Variants in KANK2 observed in about 807,000 individuals in gnomAD.
The protein encoded by KANK2 is KN motif and ankyrin repeat domains 2.
A neutral mutation model predicts 74.6 loss-of-function variants in KANK2; 41 were observed. The observed-to-expected ratio is 0.55, with a 90% CI of 0.43 to 0.71. The LOEUF is 0.71. Ranked by LOEUF, KANK2 falls within the 30% of genes least tolerant of loss-of-function variation. The pLI, the probability that KANK2 is intolerant of heterozygous loss-of-function variation, is 0.00. For synonymous variants in KANK2, 537 were observed against 519.0 expected (o/e 1.03, Z -0.47); for missense variants, 1,148 against 1,196.4 (o/e 0.96, Z 0.60).
chr19:11,180,087 CCT>C (rs1447376425), intron 4 of KANK2, among the ~76,000 whole-genome samples: 1 of 152,148 alleles, frequency 6.6e-6, no homozygotes, highest in Non-Finnish European at 1.5e-5. Flanking sequence ...GTCTTGAACT[CCT>C]GAGCTCAAGT....
chr19:11,182,548 AAAC>A (rs1351883040), intron 4 of KANK2, among the ~76,000 whole-genome samples: 4 of 148,318 alleles, frequency 2.7e-5, no homozygotes, highest in African/African-American at 9.9e-5. Context: ...CAAAAAAACA[AAAC>A]AAAACAAAAA....
At chr19:11,189,609 A>C (rs1444663957) in intron 4 of KANK2, among the ~76,000 whole-genome samples, 1 of 70,084 alleles carries the variant, frequency 1.4e-5, no homozygotes, top group Middle Eastern at 9.4e-3. Context: ...GTCTCAAAAA[A>C]AAAAAAAAAA....
At chr19:11,186,071 A>G (rs2078666038) in intron 4 of KANK2, among the ~76,000 whole-genome samples, 1 of 152,042 alleles carries the variant, frequency 6.6e-6, no homozygotes, top group African/African-American at 2.4e-5. Context: ...ATTATGTAGC[A>G]GCTGTCAGAT....
chr19:11,170,418 A>C lies in KANK2; in HGVS notation c.2212-170T>G. On this transcript the variant is annotated intron_variant, in intron 10 of 12. Transcript: ENST00000586659. The surrounding 1 kb of genome is among the most constrained non-coding windows in gnomAD (Gnocchi z 5.2). ...CCTCCCGTCACCAGGGGAGTAATAA[A>C]TCCACAGAGACAGAAAGCGGATGAG... 3.0e-5 allele frequency: 18 copies of C among 597,596 alleles called. No individual in the cohort carries two copies. The highest frequency in any genetic ancestry group is 3.3e-5 in the Non-Finnish European group (11 of 336,608). The allele number at this position is 597,596 out of a possible 1,614,324, so 37.0% of individuals were successfully genotyped here.
chr19:11,177,082 T>C (rs1042346249), intron 6 of KANK2, among the ~76,000 whole-genome samples: 1 of 147,304 alleles, frequency 6.8e-6, no homozygotes, highest in Non-Finnish European at 1.5e-5. Context: ...ACTTCTAGCA[T>C]ACTCACCCTC....
rs116377140 is a variant in KANK2, at chr19:11,168,755, C to A, written c.2502+1122G>T. Reference sequence around the variant, plus strand: ...GACACGCATTTGGAACCAGACAGACCCAGGCGTGAATACTGTTATGCCAAC... The same window carrying A: ...GACACGCATTTGGAACCAGACAGACACAGGCGTGAATACTGTTATGCCAAC... On this transcript the variant is annotated intron_variant, in intron 12 of 12. Coordinates refer to ENST00000586659, the MANE Select transcript of KANK2 (RefSeq NM_001136191.3). Among the ~76,000 whole-genome samples the A allele has an allele frequency of 3.3e-3, 501 of 152,172 alleles. 4 individuals are homozygous for A. Among genetic ancestry groups the A allele is most frequent in the African/African-American group, 0.012 (478 of 41,522 alleles).
chr19:11,188,706 G>A (rs1353742827), intron 4 of KANK2, among the ~76,000 whole-genome samples: 1 of 151,736 alleles, frequency 6.6e-6, no homozygotes, highest in African/African-American at 2.4e-5. Context: ...CTTGGAGGGT[G>A]GGTGCCGTGG....
intron 12 of KANK2, among the ~76,000 whole-genome samples, chr19:11,168,867 C>T (rs2078095759): frequency 6.6e-6 from 1 of 152,162 alleles, no homozygotes; most frequent in African/African-American, 2.4e-5. Flanking sequence ...CTGACTTTAT[C>T]CTTAGCGTGA....
chr19:11,175,542 T>C (rs2078312698), intron 8 of KANK2, among the ~76,000 whole-genome samples: 1 of 148,536 alleles, frequency 6.7e-6, no homozygotes, highest in Admixed American at 6.8e-5. Context: ...TGCCTTGGCC[T>C]CCCAAAGCAC....
At chr19:11,186,256 C>G (rs1021503898) in intron 4 of KANK2, among the ~76,000 whole-genome samples, 3 of 151,238 alleles carry the variant, frequency 2.0e-5, no homozygotes, top group Admixed American at 2.0e-4. Context: ...GGTGTGGTGG[C>G]GGGTGCCTGT....
rs377258534 is a variant in KANK2, at chr19:11,193,624, C to A, written c.456G>T (p.Ala152=). The part of the protein sequence containing the change: ...PTGLGSLTPS[A]AGSTASLVGV... ...CCACCAGGGAGGCTGTCGAGCCGGCCGCACTGGGGGTCAGGGAGCCCAGGC... is the reference window on the plus strand; with the variant it reads ...CCACCAGGGAGGCTGTCGAGCCGGCAGCACTGGGGGTCAGGGAGCCCAGGC... Residue 152 remains alanine, a synonymous_variant, in exon 4 of 13, where the codon GCG becomes GCT. Transcript: ENST00000586659. The surrounding 1 kb of genome is among the most constrained non-coding windows in gnomAD (Gnocchi z 9.6). The A allele has an allele frequency of 5.7e-6, 9 of 1,589,114 alleles. No homozygotes were observed. Among genetic ancestry groups the A allele is most frequent in the Non-Finnish European group, 1.7e-6 (2 of 1,168,444 alleles).
intron 4 of KANK2, among the ~76,000 whole-genome samples, chr19:11,191,419 C>T (rs952796572): frequency 2.0e-5 from 3 of 152,208 alleles, no homozygotes; most frequent in African/African-American, 2.4e-5. Flanking sequence ...TCTGCACAGC[C>T]GGCATCCCCT....
intron 4 of KANK2, among the ~76,000 whole-genome samples, chr19:11,179,896 C>T (rs1044057124): frequency 1.1e-4 from 16 of 152,174 alleles, no homozygotes; most frequent in Non-Finnish European, 1.9e-4. Context: ...GTTTCACTCC[C>T]TTCACTGAAG....
chr19:11,170,333 C>G lies in KANK2; in HGVS notation c.2212-85G>C. 1 of 1,073,498 alleles carries G rather than the reference C, an allele frequency of 9.3e-7. No individual in the cohort carries two copies. The highest frequency in any genetic ancestry group is 1.4e-6 in the Non-Finnish European group (1 of 727,156). The allele number at this position is 1,073,498 out of a possible 1,614,324, so 66.5% of individuals were successfully genotyped here. A position where few individuals can be genotyped will look rare whatever the true frequency, so the allele number is the denominator to read the frequency against. On this transcript the variant is annotated intron_variant, in intron 10 of 12. Transcript: ENST00000586659. This position sits in a 1 kb window ranked among gnomAD's most constrained non-coding sequence, Gnocchi z 5.2. ...GGTCTAGAACCTGCTGTAGCTCCCA[C>G]ATACTCTGATGGTGAAATGTACCCT...
rs62129144 is a variant in KANK2, at chr19:11,170,023, G to A, written c.2412+25C>T. ...CCCATGCTGTGCTCCCGCCCTCCCC[G>A]GGGTGCACCTGGTTGGAGACTCACG... On this transcript the variant is annotated intron_variant, in intron 11 of 12. Coordinates refer to ENST00000586659, the MANE Select transcript of KANK2 (RefSeq NM_001136191.3). The surrounding 1 kb of genome is among the most constrained non-coding windows in gnomAD (Gnocchi z 5.2). The A allele has an allele frequency of 0.019, 30,493 of 1,611,970 alleles. 359 individuals are homozygous for A. Among genetic ancestry groups the A allele is most frequent in the South Asian group, 0.025 (2,254 of 91,050 alleles).
chr19:11,169,756 G>A (rs928448215), intron 12 of KANK2, 121 bp downstream of exon 12: 9 of 794,890 alleles, frequency 1.1e-5, no homozygotes, highest in African/African-American at 8.5e-5. Context: ...AGCCCAGATC[G>A]TGCCACCGCA....
In KANK2 at chr19:11,194,443, G is replaced by A. The variant is rs756900296; in HGVS notation, c.37+32C>T. ...CAGGCCTCCAGAACTGAAGCTCCCC[G>A]GGGCAGGGCCCTCTTCCCTGAGTCC... is the stretch of plus-strand genomic sequence containing the variant. On this transcript the variant is annotated intron_variant, in intron 3 of 12. Transcript: ENST00000586659. The A allele has an allele frequency of 1.9e-5, 30 of 1,593,544 alleles. No individual in the cohort carries two copies. In the Admixed American group the frequency reaches 2.0e-4, roughly 11 times the overall value.
Position 11,174,668 on chromosome 19 carries a change from G to A in KANK2, c.1873C>T (p.Gln625Ter). 6.2e-7 allele frequency: 1 copy of A among 1,607,852 alleles called. No homozygotes were observed. Among genetic ancestry groups the A allele is most frequent in the Non-Finnish European group, 8.5e-7 (1 of 1,178,012 alleles). The change falls in exon 9 of 13, where the codon CAG (glutamine) becomes TAG (stop). Residue 625 changes from glutamine (Q) to a stop codon, truncating the protein, a stop_gained. Coordinates refer to ENST00000586659, the MANE Select transcript of KANK2 (RefSeq NM_001136191.3). LOFTEE classifies it high-confidence loss of function. ...ELKVAYTTVL[Q>*]EWLRLACRSD... ...CGGCAGGCCAGGCGCAGCCACTCCT[G>A]CAGCACTGTGGTGTAGGCCACTTTC...
At chr19:11,183,398 CTG>C (rs2078584724) in intron 4 of KANK2, among the ~76,000 whole-genome samples, 2 of 152,250 alleles carry the variant, frequency 1.3e-5, no homozygotes, top group Middle Eastern at 3.4e-3. Context: ...AAGAAAGAAA[CTG>C]TGAAGAATTA....
Sources: allele counts gnomAD v4.1 joint callset (sites outside exome capture counted in the v4.1 genomes callset), GRCh38; gene constraint gnomAD v4.1.1; non-coding constraint Gnocchi (gnomAD v3.1); transcripts MANE v1.5; gene names NCBI Gene and HGNC (gene_info 2026-07-23, HGNC 2026-07-21).